TASP1: variants seen among roughly 807,000 people sequenced by gnomAD.
TASP1 encodes threonine aspartase 1.
A neutral mutation model predicts 56.6 loss-of-function variants in TASP1; 16 were observed. The observed-to-expected ratio is 0.28, with a 90% CI of 0.19 to 0.43. The LOEUF (loss-of-function observed/expected upper bound fraction) is 0.43, where lower values mean the gene tolerates loss of function less well. TASP1 is among the 20% of genes least tolerant of loss of function. The pLI, the probability that TASP1 is intolerant of heterozygous loss-of-function variation, is 1.00. For synonymous variants in TASP1, 179 were observed against 184.2 expected (o/e 0.97, Z 0.23); for missense variants, 393 against 511.6 (o/e 0.77, Z 2.24).
chr20:13,513,561 G>A (rs143262371), intron 10 of TASP1, among the ~76,000 whole-genome samples: 42 of 152,158 alleles, frequency 2.8e-4, no homozygotes, highest in African/African-American at 9.6e-4. Context: ...AGAGAAACAT[G>A]CACTCCTCAA....
chr20:13,393,143 A>T (rs1020081197), intron 13 of TASP1: 1 of 657,254 alleles, frequency 1.5e-6, no homozygotes, highest in African/African-American at 1.8e-5. Flanking sequence ...CCAACTGCTT[A>T]GCACCCCTGG....
At chr20:13,588,298 GAAGGAAGGAAGAGAAAGAA>G (rs755820808) in intron 4 of TASP1, among the ~76,000 whole-genome samples, 7,574 of 126,790 alleles carry the variant, frequency 0.06, 231 homozygotes, top group East Asian at 0.13. Context: ...AGGAAGGAAG[GAAGGAAGGAAGAGAAAGAA>G]AAGGAAGGAA....
At chr20:13,611,922 G>A (rs141239874) in intron 4 of TASP1, among the ~76,000 whole-genome samples, 72 of 152,234 alleles carry the variant, frequency 4.7e-4, no homozygotes, top group African/African-American at 1.6e-3. Context: ...CAATCAACAC[G>A]CATCTGTGAA....
chr20:13,153,960 T>A, the TASP1 span: 2 of 1,605,734 alleles, frequency 1.2e-6, no homozygotes, highest in African/African-American at 2.7e-5. Flanking sequence ...TACTTCCCTC[T>A]TTCTAGTGGG....
chr20:13,310,716 T>G, the TASP1 span, among the ~76,000 whole-genome samples: 4 of 152,146 alleles, frequency 2.6e-5, no homozygotes, highest in Non-Finnish European at 5.9e-5. Context: ...TCAAACAACT[T>G]AACAGCAAGA....
intron 1 of TASP1, among the ~76,000 whole-genome samples, chr20:13,630,925 C>A (rs577435205): frequency 1.2e-3 from 185 of 152,018 alleles, no homozygotes; most frequent in Non-Finnish European, 1.4e-3. Flanking sequence ...TTTTCTAGTT[C>A]CTCATGTTAT....
At chr20:13,479,438 A>G (rs1445459582) in intron 11 of TASP1, among the ~76,000 whole-genome samples, 1 of 151,592 alleles carries the variant, frequency 6.6e-6, no homozygotes, top group African/African-American at 2.4e-5. Flanking sequence ...TTATAATTTC[A>G]TTTAATGGCT....
At chr20:13,115,947 T>A in the TASP1 span, among the ~76,000 whole-genome samples, 7 of 152,328 alleles carry the variant, frequency 4.6e-5, no homozygotes, top group East Asian at 5.8e-4. Flanking sequence ...ATGGCCAGAC[T>A]GTCTTCCCCT....
At chr20:13,583,030 T>G (rs919368226) in intron 5 of TASP1, among the ~76,000 whole-genome samples, 3 of 152,202 alleles carry the variant, frequency 2.0e-5, no homozygotes, top group Non-Finnish European at 4.4e-5. Context: ...GAACACCACG[T>G]TTTCTCCAGC....
At chr20:13,292,754 G>A in the TASP1 span, among the ~76,000 whole-genome samples, 6 of 152,230 alleles carry the variant, frequency 3.9e-5, no homozygotes, top group African/African-American at 9.6e-5. Context: ...CATAGCAGGG[G>A]CTCAAGTCAC....
the TASP1 span, among the ~76,000 whole-genome samples, chr20:13,307,969 C>A: frequency 6.6e-6 from 1 of 152,168 alleles, no homozygotes; most frequent in Non-Finnish European, 1.5e-5. Context: ...AGGGCATGCA[C>A]AGCTTTAGTT....
chr20:13,430,499 G>C (rs868180924), intron 12 of TASP1, among the ~76,000 whole-genome samples: 11 of 152,280 alleles, frequency 7.2e-5, no homozygotes, highest in Middle Eastern at 3.4e-3. Context: ...TTGCGAAGTG[G>C]GCTTCCCCAC....
chr20:13,478,937 G>C (rs1204118937), intron 11 of TASP1, among the ~76,000 whole-genome samples: 1 of 152,046 alleles, frequency 6.6e-6, no homozygotes, highest in Non-Finnish European at 1.5e-5. Context: ...ATAAATTATG[G>C]AACCATGAAA....
At chr20:13,277,501 A>G in the TASP1 span, among the ~76,000 whole-genome samples, 10,222 of 152,094 alleles carry the variant, frequency 0.067, 454 homozygotes, top group Admixed American at 0.097. Context: ...GGCTCTACCC[A>G]GCTGTGTGCT....
the TASP1 span, among the ~76,000 whole-genome samples, chr20:13,270,926 T>C: frequency 6.6e-6 from 1 of 152,212 alleles, no homozygotes; most frequent in Non-Finnish European, 1.5e-5. Context: ...CCCTTGATTG[T>C]GAGATGCACA....
chr20:13,617,002 T>C (rs1315048736), intron 4 of TASP1: 1 of 453,062 alleles, frequency 2.2e-6, no homozygotes, highest in South Asian at 1.6e-5. Flanking sequence ...CTCTTCAGGA[T>C]ACATTTCCCT....
intron 10 of TASP1, among the ~76,000 whole-genome samples, chr20:13,503,024 A>G (rs1254246074): frequency 6.6e-6 from 1 of 152,212 alleles, no homozygotes; most frequent in Admixed American, 6.5e-5. Context: ...TGGGTACCCC[A>G]GCTGTGCAGG....
intron 11 of TASP1, among the ~76,000 whole-genome samples, chr20:13,441,502 G>T (rs2043211101): frequency 6.6e-6 from 1 of 152,158 alleles, no homozygotes; most frequent in South Asian, 2.1e-4. Flanking sequence ...TTGGTAAGGA[G>T]CTAACCATGT....
chr20:13,492,064 A>C (rs1043692343), intron 10 of TASP1, among the ~76,000 whole-genome samples: 1 of 152,220 alleles, frequency 6.6e-6, no homozygotes, highest in Admixed American at 6.5e-5. Context: ...GTGAAGTTGC[A>C]TTCACAGCAG....
Sources: gnomAD v4.1 joint callset for allele counts (sites outside exome capture counted in the v4.1 genomes callset) on GRCh38, gnomAD v4.1.1 for gene constraint, MANE v1.5 for transcripts, NCBI Gene and HGNC (gene_info 2026-07-23, HGNC 2026-07-21) for gene names.